The following CFAP47 variants were observed in gnomAD, a reference collection of about 807,000 sequenced individuals.
The protein encoded by CFAP47 is cilia- and flagella-associated protein 47.
CFAP47 carries 29 observed loss-of-function variants against 148.1 expected under a neutral mutation model. The observed-to-expected ratio is 0.20, with a 90% CI of 0.15 to 0.27. CFAP47 has a LOEUF of 0.27. Ranked by LOEUF, CFAP47 falls within the 10% of genes least tolerant of loss-of-function variation. The pLI is 1.00. For synonymous variants in CFAP47, 664 were observed against 577.3 expected (o/e 1.15, Z -2.15); for missense variants, 1,872 against 1,697.5 (o/e 1.10, Z -1.81).
At chrX:36,059,519 A>C (rs1937578024) in intron 26 of CFAP47, among the ~76,000 whole-genome samples, 1 of 111,936 alleles carries the variant, frequency 8.9e-6, no homozygotes, top group Admixed American at 9.5e-5. Flanking sequence ...TTTGTTAGGC[A>C]TTGCTGTACT....
intron 8 of CFAP47, among the ~76,000 whole-genome samples, chrX:35,960,838 G>A (rs1936320406): frequency 9.0e-6 from 1 of 111,082 alleles, no homozygotes; most frequent in African/African-American, 3.3e-5. Flanking sequence ...TTCTAATCTG[G>A]ATTCATTTTA....
At position 35,947,996 on chromosome X, in the gene CFAP47, G is replaced by T. The variant is rs146522260; in HGVS notation, c.518-318G>T. Reference sequence around the variant, plus strand: ...ATTCTTGGTACACTGTAGACCATCTGCTCCAGGGGTATTCAATCTTTTGGC... The same window carrying T: ...ATTCTTGGTACACTGTAGACCATCTTCTCCAGGGGTATTCAATCTTTTGGC... On this transcript the variant is annotated intron_variant, in intron 3 of 63. Transcript: ENST00000378653. 1.9e-3 allele frequency among the ~76,000 whole-genome samples: 210 copies of T among 111,708 alleles called. 5 individuals carry two copies. The East Asian group carries it at 0.019, about 10-fold the overall frequency.
chrX:36,330,996 C>T (rs1164531878), intron 57 of CFAP47, among the ~76,000 whole-genome samples: 2 of 111,474 alleles, frequency 1.8e-5, no homozygotes, highest in African/African-American at 6.5e-5. Context: ...TTGATCCCAT[C>T]GTCCAGTTAC....
intron 62 of CFAP47, among the ~76,000 whole-genome samples, chrX:36,378,820 C>T (rs1417782975): frequency 2.8e-5 from 3 of 108,401 alleles, no homozygotes; most frequent in African/African-American, 1.0e-4. Flanking sequence ...GAATTACAGA[C>T]GTGAGCCACT....
chrX:36,041,799 G>A (rs760481913), intron 25 of CFAP47, among the ~76,000 whole-genome samples: 5 of 109,175 alleles, frequency 4.6e-5, no homozygotes, highest in Admixed American at 9.8e-5. Context: ...GGTGGCACAT[G>A]CCTGTAATGC....
chrX:36,121,101 A>G (rs922606093), intron 33 of CFAP47, among the ~76,000 whole-genome samples: 3 of 111,634 alleles, frequency 2.7e-5, no homozygotes, highest in Non-Finnish European at 5.6e-5. Flanking sequence ...TGACCAATTT[A>G]TCATTATATA....
chrX:36,252,955 CT>C (rs1158235873), intron 49 of CFAP47, among the ~76,000 whole-genome samples: 1 of 112,148 alleles, frequency 8.9e-6, no homozygotes, highest in East Asian at 2.8e-4. Flanking sequence ...CACAAAGCCC[CT>C]GGTCTGTGAA....
chrX:36,075,319 C>T (rs927464203), intron 29 of CFAP47, among the ~76,000 whole-genome samples: 10 of 109,749 alleles, frequency 9.1e-5, no homozygotes, highest in African/African-American at 3.3e-4. Context: ...CCTCCGCTTC[C>T]CGGGCTCAAG....
intron 2 of CFAP47, among the ~76,000 whole-genome samples, chrX:35,928,439 T>C (rs1442441449): frequency 8.9e-6 from 1 of 111,995 alleles, no homozygotes; most frequent in African/African-American, 3.2e-5. Flanking sequence ...GGTGCTTCTT[T>C]GCCATCTGAG....
intron 1 of CFAP47, among the ~76,000 whole-genome samples, chrX:35,924,228 TATATGGACATGTATGTGTGC>T (rs201139099): frequency 0.019 from 1,841 of 94,719 alleles, 100 homozygotes; most frequent in African/African-American, 0.041. Flanking sequence ...TGTATGTGTA[TATATGGACATGTATGTGTGC>T]ATATGGACAT....
intron 29 of CFAP47, among the ~76,000 whole-genome samples, chrX:36,074,035 T>C (rs772784106): frequency 4.5e-5 from 5 of 111,792 alleles, no homozygotes; most frequent in Non-Finnish European, 7.5e-5. Context: ...GGGCTATTTA[T>C]AGAATTTCTG....
At chrX:36,368,919 G>C (rs1210431828) in intron 62 of CFAP47, among the ~76,000 whole-genome samples, 2 of 111,048 alleles carry the variant, frequency 1.8e-5, no homozygotes, top group Non-Finnish European at 3.8e-5. Context: ...AACTGTTTTT[G>C]ATATTAAGTC....
intron 33 of CFAP47, among the ~76,000 whole-genome samples, chrX:36,121,453 T>G (rs928541893): frequency 2.7e-5 from 3 of 111,402 alleles, no homozygotes; most frequent in Non-Finnish European, 5.7e-5. Context: ...CTTTCTTTCC[T>G]TTTGGTCTTC....
At chrX:36,054,431 A>C (rs1289998308) in intron 26 of CFAP47, among the ~76,000 whole-genome samples, 1 of 112,035 alleles carries the variant, frequency 8.9e-6, no homozygotes, top group Admixed American at 9.5e-5. Flanking sequence ...TAATGTGTAC[A>C]ATTAAATTAA....
At chrX:36,317,394 T>C (rs782040491) in intron 56 of CFAP47, among the ~76,000 whole-genome samples, 1 of 109,052 alleles carries the variant, frequency 9.2e-6, no homozygotes, top group Non-Finnish European at 1.9e-5. Flanking sequence ...GTATCAAATA[T>C]ATTAAGTTTT....
At chrX:36,071,737 G>A in intron 27 of CFAP47, 88 bp from the exon 28 acceptor site, 1 of 797,551 alleles carries the variant, frequency 1.3e-6, no homozygotes, top group Non-Finnish European at 1.8e-6. Context: ...TACATCAATA[G>A]ATAATAGATA....
At chrX:35,974,619 A>C (rs908729026) in intron 13 of CFAP47, among the ~76,000 whole-genome samples, 2 of 112,066 alleles carry the variant, frequency 1.8e-5, no homozygotes, top group African/African-American at 6.5e-5. Flanking sequence ...AACACTAATG[A>C]AATTCTATAC....
At chrX:36,116,666 G>T (rs1938645834) in intron 33 of CFAP47, among the ~76,000 whole-genome samples, 1 of 111,502 alleles carries the variant, frequency 9.0e-6, no homozygotes, top group South Asian at 3.7e-4. Context: ...GGTTACATAA[G>T]ATATTTTGAT....
chrX:36,267,889 A>C (rs782478117), intron 49 of CFAP47, among the ~76,000 whole-genome samples: 1 of 112,329 alleles, frequency 8.9e-6, no homozygotes, highest in African/African-American at 3.2e-5. Flanking sequence ...TCCTTTGGAC[A>C]TTTTTCTTTT....
Sources: allele counts gnomAD v4.1 joint callset (sites outside exome capture counted in the v4.1 genomes callset), GRCh38; gene constraint gnomAD v4.1.1; transcripts MANE v1.5; gene names NCBI Gene and HGNC (gene_info 2026-07-23, HGNC 2026-07-21).